Variants in UBE2E2 observed in about 807,000 individuals in gnomAD.
UBE2E2 encodes the protein ubiquitin conjugating enzyme E2 E2, also known as ubiquitin-conjugating enzyme E2 E2.
A neutral mutation model predicts 24.7 loss-of-function variants in UBE2E2; 6 were observed. That is an observed-to-expected ratio of 0.24 (90% CI 0.13 to 0.48). The LOEUF (loss-of-function observed/expected upper bound fraction) is 0.48. UBE2E2 is among the 20% of genes least tolerant of loss of function. The pLI, the probability that UBE2E2 is intolerant of heterozygous loss-of-function variation, is 0.99. For missense variants in UBE2E2, 169 were observed against 245.0 expected (o/e 0.69, Z 2.07); for synonymous variants, 104 against 83.6 (o/e 1.24, Z -1.33).
intron 4 of UBE2E2, among the ~76,000 whole-genome samples, chr3:23,522,290 C>T (rs2125476138): frequency 6.6e-6 from 1 of 152,166 alleles, no homozygotes; most frequent in East Asian, 1.9e-4. Flanking sequence ...GCCACCACGC[C>T]CGGCTAATTT....
At chr3:23,271,059 A>G in intron 3 of UBE2E2, 1 of 455,830 alleles carries the variant, frequency 2.2e-6, no homozygotes. Context: ...ACTAACATAC[A>G]CTAGGCACCC....
intron 3 of UBE2E2, among the ~76,000 whole-genome samples, chr3:23,367,765 A>G (rs965011824): frequency 1.3e-5 from 2 of 151,952 alleles, no homozygotes; most frequent in Non-Finnish European, 2.9e-5. Context: ...TGTTGTGCAA[A>G]GGCGGAGGGG....
chr3:23,345,423 A>G (rs1245453716), intron 3 of UBE2E2, among the ~76,000 whole-genome samples: 1 of 152,218 alleles, frequency 6.6e-6, no homozygotes, highest in Non-Finnish European at 1.5e-5. Flanking sequence ...TGTGTTTATA[A>G]TTTTGTTACT....
rs1229615199 is a variant in UBE2E2, at chr3:23,589,146, C to G, written c.509-588C>G. ...CGTGAAATATCTACTTGAAGACAGG[C>G]ATCTCACACCTGTAATCCCAGCACT... On this transcript the variant is annotated intron_variant, in intron 5 of 5. Coordinates refer to ENST00000396703, the MANE Select transcript of UBE2E2 (RefSeq NM_152653.4). The surrounding 1 kb of genome is among the most constrained non-coding windows in gnomAD (Gnocchi z 4.1). Among the ~76,000 whole-genome samples, 2 of 152,038 alleles carry G rather than the reference C, an allele frequency of 1.3e-5. No individual in the cohort carries two copies.
chr3:23,267,486 C>T (rs534445633), intron 3 of UBE2E2, among the ~76,000 whole-genome samples: 4 of 152,194 alleles, frequency 2.6e-5, no homozygotes, highest in South Asian at 4.2e-4. Context: ...ACACATACAC[C>T]ATCCCAAGAC....
At chr3:23,299,485 C>T (rs371868202) in intron 3 of UBE2E2, among the ~76,000 whole-genome samples, 2 of 150,768 alleles carry the variant, frequency 1.3e-5, no homozygotes, top group Non-Finnish European at 3.0e-5. Context: ...TATGTTGTGT[C>T]TTTGTTCTCG....
chr3:23,203,351 C>A lies in UBE2E2; in HGVS notation c.-122C>A. The A allele has an allele frequency of 5.1e-6, 5 of 986,424 alleles. No individual in the cohort carries two copies. The highest frequency in any genetic ancestry group is 6.0e-6 in the Non-Finnish European group (5 of 830,552). 61.1% of individuals were successfully genotyped at this position (986,424 alleles called of 1,614,324 possible). A position where few individuals can be genotyped will look rare whatever the true frequency, so the allele number is the denominator to read the frequency against. On this transcript the variant is annotated 5_prime_UTR_variant, in exon 1 of 6. Transcript: ENST00000396703. The stretch of plus-strand genomic sequence containing the variant: ...CGGCTTTCGGTGACTAGACGGTCCG[C>A]AGGGGACATCCCGTCCCTGGGGCCT...
chr3:23,579,566 G>A (rs1402758447), intron 5 of UBE2E2, among the ~76,000 whole-genome samples: 1 of 151,496 alleles, frequency 6.6e-6, no homozygotes, highest in Non-Finnish European at 1.5e-5. Context: ...CAGGCATGAC[G>A]GTTTGTGTCT....
chr3:23,424,714 G>T (rs1697884093), intron 3 of UBE2E2, among the ~76,000 whole-genome samples: 1 of 152,070 alleles, frequency 6.6e-6, no homozygotes, highest in Non-Finnish European at 1.5e-5. Context: ...TGGAGCTAAG[G>T]TACTCTGATA....
chr3:23,291,390 A>T (rs1435105326), intron 3 of UBE2E2, among the ~76,000 whole-genome samples: 2 of 152,236 alleles, frequency 1.3e-5, no homozygotes, highest in Non-Finnish European at 2.9e-5. Flanking sequence ...GTATATAAAC[A>T]AAACAAGAAA....
At chr3:23,233,918 TTAAA>T (rs938021310) in intron 3 of UBE2E2, among the ~76,000 whole-genome samples, 1 of 152,106 alleles carries the variant, frequency 6.6e-6, no homozygotes, top group African/African-American at 2.4e-5. Flanking sequence ...AATTCAGGGT[TTAAA>T]TAGCTTCTAT....
At chr3:23,319,155 A>G (rs532192125) in intron 3 of UBE2E2, among the ~76,000 whole-genome samples, 135 of 152,318 alleles carry the variant, frequency 8.9e-4, no homozygotes, top group Non-Finnish European at 1.5e-3. Context: ...AGTTAATCCA[A>G]ATTGATCCTG....
At chr3:23,449,229 G>A (rs904264837) in intron 3 of UBE2E2, among the ~76,000 whole-genome samples, 4 of 152,224 alleles carry the variant, frequency 2.6e-5, no homozygotes, top group South Asian at 2.1e-4. Context: ...AAAACATTTG[G>A]TAAGTGTAAG....
intron 5 of UBE2E2, among the ~76,000 whole-genome samples, chr3:23,578,777 G>A (rs1308796658): frequency 6.6e-6 from 1 of 152,152 alleles, no homozygotes; most frequent in Non-Finnish European, 1.5e-5. Flanking sequence ...GCCTGTCAGA[G>A]GGGGCAGGGA....
At chr3:23,264,997 G>A (rs868120479) in intron 3 of UBE2E2, among the ~76,000 whole-genome samples, 1 of 152,176 alleles carries the variant, frequency 6.6e-6, no homozygotes, top group Non-Finnish European at 1.5e-5. Context: ...AGTAGTAATA[G>A]CGTCAGTAGA....
intron 3 of UBE2E2, among the ~76,000 whole-genome samples, chr3:23,296,668 A>G (rs1174906275): frequency 3.9e-5 from 6 of 152,200 alleles, no homozygotes; most frequent in African/African-American, 1.2e-4. Context: ...ATAGTATTCC[A>G]TGGTGTATAT....
intron 3 of UBE2E2, among the ~76,000 whole-genome samples, chr3:23,357,114 T>A (rs1207878954): frequency 6.6e-6 from 1 of 152,206 alleles, no homozygotes; most frequent in South Asian, 2.1e-4. Context: ...GCCAGAATAG[T>A]TGCATGGTCT....
intron 3 of UBE2E2, among the ~76,000 whole-genome samples, chr3:23,225,285 G>A (rs1261903984): frequency 6.6e-6 from 1 of 150,808 alleles, no homozygotes; most frequent in Non-Finnish European, 1.5e-5. Context: ...TTGAAACATA[G>A]AAGTTTTTGC....
At chr3:23,547,936 A>G (rs576577633) in intron 5 of UBE2E2, among the ~76,000 whole-genome samples, 1 of 152,346 alleles carries the variant, frequency 6.6e-6, no homozygotes, top group East Asian at 1.9e-4. Flanking sequence ...AGCTATTCCC[A>G]TACTTTGAAG....
Sources: gnomAD v4.1 joint callset for allele counts (sites outside exome capture counted in the v4.1 genomes callset) on GRCh38, gnomAD v4.1.1 for gene constraint, Gnocchi (gnomAD v3.1) non-coding constraint, MANE v1.5 for transcripts, NCBI Gene and HGNC (gene_info 2026-07-23, HGNC 2026-07-21) for gene names.